JAK2: variants seen among roughly 807,000 people sequenced by gnomAD.
The protein encoded by JAK2 is Janus kinase 2, also known as tyrosine-protein kinase JAK2.
In JAK2, 86 loss-of-function variants were observed where a neutral mutation model predicts 139.3. That is an observed-to-expected ratio of 0.62 (90% CI 0.52 to 0.74). The LOEUF (loss-of-function observed/expected upper bound fraction) is 0.74, where lower values mean the gene tolerates loss of function less well. Among genes scored for constraint, JAK2 ranks in the 30% least tolerant of loss-of-function variants. JAK2 has a pLI of 0.00. For missense variants in JAK2, 1,421 were observed against 1,360.3 expected (o/e 1.04, Z -0.70); for synonymous variants, 490 against 437.7 (o/e 1.12, Z -1.49).
chr9:5,020,218 A>G (rs1008687459), intron 2 of JAK2, among the ~76,000 whole-genome samples: 1 of 152,158 alleles, frequency 6.6e-6, no homozygotes, highest in African/African-American at 2.4e-5. Flanking sequence ...GCAGGTGGCA[A>G]GTGTGAGTGG....
At chr9:5,116,130 C>T (rs1823151459) in intron 22 of JAK2, among the ~76,000 whole-genome samples, 1 of 151,954 alleles carries the variant, frequency 6.6e-6, no homozygotes, top group South Asian at 2.1e-4. Flanking sequence ...TGGATAATCT[C>T]ATTTAATCCT....
intron 22 of JAK2, chr9:5,097,649 G>T (rs976243172): frequency 1.3e-5 from 2 of 152,154 alleles, no homozygotes; most frequent in African/African-American, 4.8e-5. Context: ...CTGCGTGGTG[G>T]TAACATCAAA....
In JAK2 at chr9:5,032,981, G is replaced by C. The variant is rs1038973268; in HGVS notation, c.350+3075G>C. 1.3e-4 allele frequency among the ~76,000 whole-genome samples: 20 copies of C among 152,272 alleles called. No homozygotes were observed. In the East Asian group the frequency reaches 3.9e-3, roughly 29 times the overall value. On this transcript the variant is annotated intron_variant, in intron 4 of 24. Transcript: ENST00000381652. ...GGAGGAAGTTTGAACTCATGGCAAA[G>C]AAGTTAAAAACCTTGAAAAAAAATT...
At chr9:5,075,454 C>T (rs1011023530) in intron 14 of JAK2, among the ~76,000 whole-genome samples, 1 of 152,150 alleles carries the variant, frequency 6.6e-6, no homozygotes, top group Admixed American at 6.5e-5. Flanking sequence ...TTCAAACCAG[C>T]GCTCATTTAC....
At chr9:5,066,491 G>C (rs1697750645) in intron 9 of JAK2, among the ~76,000 whole-genome samples, 187 bp from the exon 10 acceptor site, 1 of 152,034 alleles carries the variant, frequency 6.6e-6, no homozygotes, top group African/African-American at 2.4e-5. Flanking sequence ...CCTTGAAGTG[G>C]TTTGAACTTA....
At chr9:4,987,854 T>A (rs549744216) in intron 2 of JAK2, among the ~76,000 whole-genome samples, 4 of 152,210 alleles carry the variant, frequency 2.6e-5, no homozygotes, top group Non-Finnish European at 5.9e-5. Context: ...GTAAACTGCC[T>A]GGCTGTCATA....
intron 19 of JAK2, among the ~76,000 whole-genome samples, chr9:5,086,274 C>T: frequency 6.6e-6 from 1 of 152,254 alleles, no homozygotes; most frequent in Non-Finnish European, 1.5e-5. Flanking sequence ...GGCCCGCGAT[C>T]CTCCTGCCAG....
In JAK2 at chr9:5,129,872, C is replaced by T. The variant is rs1397255534; in HGVS notation, c.*3081C>T. 6.6e-6 allele frequency among the ~76,000 whole-genome samples: 1 copy of T among 152,046 alleles called. No homozygotes were observed. Among genetic ancestry groups the T allele is most frequent in the Non-Finnish European group, 1.5e-5 (1 of 67,966 alleles). On this transcript the variant is annotated 3_prime_UTR_variant, in exon 25 of 25. Coordinates refer to ENST00000381652, the MANE Select transcript of JAK2 (RefSeq NM_004972.4). Reference sequence around the variant, plus strand: ...TTCTTAGTAAAATGCAGACTGTATACCTAAATATTAAAATATTTACTTTTA... The same window carrying T: ...TTCTTAGTAAAATGCAGACTGTATATCTAAATATTAAAATATTTACTTTTA...
At chr9:5,039,899 G>GT (rs1469007052) in intron 4 of JAK2, among the ~76,000 whole-genome samples, 1 of 152,162 alleles carries the variant, frequency 6.6e-6, no homozygotes, top group African/African-American at 2.4e-5. Context: ...TAATTGATCT[G>GT]TATGTTCAAT....
At chr9:5,072,440 A>C (rs1236814130) in intron 12 of JAK2, 52 bp from the exon 13 acceptor site, 2 of 1,382,232 alleles carry the variant, frequency 1.4e-6, no homozygotes, top group Non-Finnish European at 1.9e-6. Context: ...TCTTGTTCCT[A>C]CTTCGTTCTC....
At chr9:5,045,466 T>C (rs879259767) in intron 5 of JAK2, among the ~76,000 whole-genome samples, 3 of 152,196 alleles carry the variant, frequency 2.0e-5, no homozygotes, top group Non-Finnish European at 4.4e-5. Context: ...AGTTCAGTTG[T>C]ATTAAGTACA....
intron 10 of JAK2, among the ~76,000 whole-genome samples, chr9:5,068,465 C>G (rs949138983): frequency 4.6e-5 from 7 of 152,154 alleles, no homozygotes; most frequent in Non-Finnish European, 1.0e-4. Context: ...GAGAGGACCT[C>G]TTAGAAACAG....
intron 2 of JAK2, among the ~76,000 whole-genome samples, chr9:4,987,694 C>CCACTGCACTCCAGGCTGGG (rs1554652702): frequency 3.4e-5 from 5 of 146,720 alleles, no homozygotes; most frequent in African/African-American, 1.3e-4. Context: ...CGAGATCTCA[C>CCACTGCACTCCAGGCTGGG]CACTGCACTC....
In JAK2 at chr9:5,022,098, A is replaced by G. The variant is rs1207337914; in HGVS notation, c.111A>G (p.Pro37=). ...GNANSMKQID[P]VLQVYLYHSL... ...CCAATTCTATGAAGCAAATAGATCC[A>G]GTTCTTCAGGTGTATCTTTACCATT... The change falls in exon 3 of 25, where the codon CCA becomes CCG. Residue 37 remains proline, a synonymous_variant. Coordinates refer to ENST00000381652, the MANE Select transcript of JAK2 (RefSeq NM_004972.4). 1.2e-6 allele frequency: 2 copies of G among 1,613,562 alleles called. No individual in the cohort carries two copies. Among genetic ancestry groups the G allele is most frequent in the Non-Finnish European group, 1.7e-6 (2 of 1,179,530 alleles).
intron 22 of JAK2, chr9:5,111,129 G>A (rs973215723): frequency 2.9e-5 from 32 of 1,103,052 alleles, no homozygotes; most frequent in African/African-American, 4.7e-5. Context: ...ACCCCAGCTG[G>A]ACGTTCAGCG....
chr9:5,035,534 C>T (rs1823518928), intron 4 of JAK2, among the ~76,000 whole-genome samples: 1 of 152,198 alleles, frequency 6.6e-6, no homozygotes, highest in Admixed American at 6.5e-5. Flanking sequence ...GCTTATCCAC[C>T]ATGATCAAGT....
chr9:5,118,670 GA>G (rs1347620039), intron 22 of JAK2, among the ~76,000 whole-genome samples: 2 of 152,154 alleles, frequency 1.3e-5, no homozygotes, highest in South Asian at 2.1e-4. Flanking sequence ...TAAACGCTGA[GA>G]AAACTTGTTT....
chr9:5,061,849 A>G (rs1166621585), intron 8 of JAK2, among the ~76,000 whole-genome samples: 1 of 152,182 alleles, frequency 6.6e-6, no homozygotes, highest in Admixed American at 6.5e-5. Flanking sequence ...CTTTTGATTT[A>G]AAGTGAGAGA....
At position 5,089,660 on chromosome 9, in the gene JAK2, G is replaced by A; in HGVS notation, c.2572-14G>A. On this transcript the variant is annotated splice_polypyrimidine_tract_variant and intron_variant, in intron 19 of 24. Transcript: ENST00000381652. ...AAACTTGGTATTTCCATCCTAATGT[G>A]ATGTGTCATTTAGGGTAATTTTGGG... 1 of 1,284,180 alleles carries A rather than the reference G, an allele frequency of 7.8e-7. No individual in the cohort carries two copies. 79.5% of individuals were successfully genotyped at this position (1,284,180 alleles called of 1,614,324 possible).
Sources: allele counts gnomAD v4.1 joint callset (sites outside exome capture counted in the v4.1 genomes callset), GRCh38; gene constraint gnomAD v4.1.1; transcripts MANE v1.5; gene names NCBI Gene and HGNC (gene_info 2026-07-23, HGNC 2026-07-21).